Variants in AIM2 observed in about 807,000 individuals in gnomAD.
The protein encoded by AIM2 is interferon-inducible protein AIM2.
AIM2 carries 30 observed loss-of-function variants against 27.7 expected under a neutral mutation model. The ratio of observed to expected loss-of-function variants is 1.08; its 90% confidence interval spans 0.81 to 1.47. The LOEUF is 1.47. Ranked by LOEUF, AIM2 falls within the 40% of genes most tolerant of loss-of-function variation. The pLI, the probability that AIM2 is intolerant of heterozygous loss-of-function variation, is 0.00. For missense variants in AIM2, 358 were observed against 411.3 expected, an observed-to-expected ratio of 0.87 and a Z score of 1.12; for synonymous variants, 141 against 145.3, an observed-to-expected ratio of 0.97 and a Z score of 0.21.
intron 1 of AIM2, among the ~76,000 whole-genome samples, chr1:159,118,388 T>C (rs904767547): frequency 6.6e-6 from 1 of 152,188 alleles, no homozygotes; most frequent in Non-Finnish European, 1.5e-5. Flanking sequence ...ACTCCTTATG[T>C]ATTGGGAATC....
At chr1:159,091,303 T>G (rs1657036599) in intron 1 of AIM2, among the ~76,000 whole-genome samples, 1 of 152,232 alleles carries the variant, frequency 6.6e-6, no homozygotes, top group African/African-American at 2.4e-5. Context: ...ATCCTATTAA[T>G]ACCTTAAAGC....
At chr1:159,116,105 G>A (rs998194931) in intron 1 of AIM2, among the ~76,000 whole-genome samples, 4 of 151,842 alleles carry the variant, frequency 2.6e-5, no homozygotes, top group Admixed American at 6.5e-5. Flanking sequence ...CTGGCCATCA[G>A]AGAAATGCAA....
chr1:159,120,864 T>C (rs541365198), intron 1 of AIM2, among the ~76,000 whole-genome samples: 1 of 152,298 alleles, frequency 6.6e-6, no homozygotes, highest in Non-Finnish European at 1.5e-5. Flanking sequence ...GAAATGCATT[T>C]ACCCCACAAC....
chr1:159,124,319 TG>T (rs1474811033), intron 1 of AIM2, among the ~76,000 whole-genome samples: 1 of 152,192 alleles, frequency 6.6e-6, no homozygotes, highest in Non-Finnish European at 1.5e-5. Context: ...AAGATGAAAA[TG>T]TTTTTTACAT....
upstream of AIM2, among the ~76,000 whole-genome samples, chr1:159,141,610 C>T (rs1648112320): frequency 6.6e-6 from 1 of 152,136 alleles, no homozygotes; most frequent in Non-Finnish European, 1.5e-5. Context: ...TGCCAGGTGA[C>T]CATCTCTGCC....
intron 1 of AIM2, among the ~76,000 whole-genome samples, chr1:159,121,175 A>C (rs1207816847): frequency 6.6e-6 from 1 of 152,220 alleles, no homozygotes; most frequent in Non-Finnish European, 1.5e-5. Context: ...AGAATTATTC[A>C]AGACAAATGA....
intron 1 of AIM2, among the ~76,000 whole-genome samples, chr1:159,133,175 CTCTCTCTCTCTCTCTCTT>C (rs61100850): frequency 0.048 from 7,197 of 150,310 alleles, 565 homozygotes; most frequent in African/African-American, 0.17. Flanking sequence ...TGCTCTTGTT[CTCTCTCTCTCTCTCTCTT>C]TCTCTCTCTC....
At chr1:159,085,440 A>G (rs1322951118) in intron 1 of AIM2, among the ~76,000 whole-genome samples, 1 of 152,230 alleles carries the variant, frequency 6.6e-6, no homozygotes, top group Admixed American at 6.5e-5. Context: ...TAGTGTCATT[A>G]CAGAGACAGG....
At chr1:159,115,685 G>A (rs1486559619) in intron 1 of AIM2, among the ~76,000 whole-genome samples, 3 of 152,148 alleles carry the variant, frequency 2.0e-5, no homozygotes, top group Admixed American at 1.3e-4. Flanking sequence ...TTTAATTCAA[G>A]ATGGATTAAA....
Position 159,095,533 on chromosome 1 carries a change from C to A in AIM2, c.-15-29204G>T, listed in dbSNP as rs114787517. 7.7e-3 allele frequency among the ~76,000 whole-genome samples: 1,178 copies of A among 152,288 alleles called. 18 individuals are homozygous for A. Among genetic ancestry groups the A allele is most frequent in the African/African-American group, 0.027 (1,123 of 41,544 alleles). ...GCTGTTACCTCTGTTTCCCCAGCTA[C>A]GTGCTCAAGAATGCTCTCTGCTATG... On this transcript the variant is annotated intron_variant, in intron 1 of 2. Coordinates refer to the AIM2 transcript ENST00000368129.
chr1:159,064,802 G>A (rs916763032), intron 4 of AIM2, among the ~76,000 whole-genome samples: 9 of 152,168 alleles, frequency 5.9e-5, no homozygotes, highest in African/African-American at 2.2e-4. Flanking sequence ...GGAGAGACAT[G>A]AGGTAATGAT....
At chr1:159,135,126 T>C (rs1485470699) in intron 1 of AIM2, among the ~76,000 whole-genome samples, 1 of 152,218 alleles carries the variant, frequency 6.6e-6, no homozygotes, top group African/African-American at 2.4e-5. Flanking sequence ...TTGTTCATCA[T>C]TGTACCTCGC....
downstream of AIM2, among the ~76,000 whole-genome samples, chr1:159,060,910 C>T (rs530754378): frequency 9.2e-5 from 14 of 152,302 alleles, 1 homozygote; most frequent in African/African-American, 3.4e-4. Context: ...AAAAAACTTA[C>T]AGCAAGCTTG....
At chr1:159,108,279 T>TA (rs1657494570) in intron 1 of AIM2, among the ~76,000 whole-genome samples, 1 of 151,764 alleles carries the variant, frequency 6.6e-6, no homozygotes, top group Non-Finnish European at 1.5e-5. Context: ...AGAAATGTGA[T>TA]AAAAAACAAA....
At chr1:159,067,416 G>A (rs548808384) in intron 3 of AIM2, among the ~76,000 whole-genome samples, 3 of 152,176 alleles carry the variant, frequency 2.0e-5, no homozygotes, top group Non-Finnish European at 4.4e-5. Context: ...AACAAACAGA[G>A]GCATAAAAAG....
chr1:159,084,786 C>CAT (rs1179406793), intron 1 of AIM2, among the ~76,000 whole-genome samples: 4 of 147,462 alleles, frequency 2.7e-5, no homozygotes, highest in African/African-American at 1.0e-4. Context: ...AATACACACA[C>CAT]ACACACACAC....
intron 1 of AIM2, among the ~76,000 whole-genome samples, chr1:159,121,570 C>G (rs910962642): frequency 2.0e-5 from 3 of 152,058 alleles, no homozygotes; most frequent in Admixed American, 1.3e-4. Flanking sequence ...GTTTTCTCTC[C>G]TATCCAAGTA....
At chr1:159,132,650 G>A (rs1647918858) in intron 1 of AIM2, among the ~76,000 whole-genome samples, 1 of 152,104 alleles carries the variant, frequency 6.6e-6, no homozygotes. Flanking sequence ...CATGCGTGTG[G>A]ACACATTCCT....
intron 2 of AIM2, among the ~76,000 whole-genome samples, chr1:159,072,748 T>C (rs1656413869): frequency 6.6e-6 from 1 of 152,166 alleles, no homozygotes; most frequent in South Asian, 2.1e-4. Flanking sequence ...AGAAGGATAG[T>C]CTGGGACCAC....
Sources: gnomAD v4.1 joint callset for allele counts (sites outside exome capture counted in the v4.1 genomes callset) on GRCh38, gnomAD v4.1.1 for gene constraint, MANE v1.5 for transcripts, NCBI Gene and HGNC (gene_info 2026-07-23, HGNC 2026-07-21) for gene names.